Variants in LRP1B observed in about 807,000 individuals in gnomAD.
The protein encoded by LRP1B is LDL receptor related protein 1B.
A neutral mutation model predicts 556.6 loss-of-function variants in LRP1B; 217 were observed. The observed-to-expected ratio is 0.39, with a 90% CI of 0.35 to 0.44. The LOEUF (loss-of-function observed/expected upper bound fraction) is 0.44. LRP1B is among the 20% of genes least tolerant of loss of function. LRP1B has a pLI of 1.00. For synonymous variants in LRP1B, 2,047 were observed against 1,865.8 expected (o/e 1.10, Z -2.50); for missense variants, 5,053 against 5,620.8 (o/e 0.90, Z 3.23).
chr2:141,224,545 C>T (rs1239263645), intron 6 of LRP1B, among the ~76,000 whole-genome samples: 1 of 152,058 alleles, frequency 6.6e-6, no homozygotes, highest in Non-Finnish European at 1.5e-5. Context: ...ATGTTCATTT[C>T]AGCACTATTC....
intron 43 of LRP1B, among the ~76,000 whole-genome samples, chr2:140,598,024 T>G (rs1235427527): frequency 1.3e-5 from 2 of 152,160 alleles, no homozygotes; most frequent in Non-Finnish European, 2.9e-5. Flanking sequence ...CCAAGGCAGC[T>G]ACTCCTCACA....
intron 2 of LRP1B, among the ~76,000 whole-genome samples, chr2:141,781,520 GT>G (rs1695254764): frequency 6.6e-6 from 1 of 152,140 alleles, no homozygotes; most frequent in Admixed American, 6.6e-5. Flanking sequence ...GCTAGTGAAA[GT>G]CACACAATTT....
chr2:140,744,119 A>G (rs1404959808), intron 35 of LRP1B, among the ~76,000 whole-genome samples: 1 of 152,094 alleles, frequency 6.6e-6, no homozygotes, highest in East Asian at 1.9e-4. Flanking sequence ...GATCTAAGGT[A>G]CAGCATGAAT....
At chr2:140,925,158 G>A (rs185311334) in intron 20 of LRP1B, among the ~76,000 whole-genome samples, 24 of 152,220 alleles carry the variant, frequency 1.6e-4, no homozygotes, top group Admixed American at 1.4e-3. Flanking sequence ...TAAGAAACTT[G>A]AGCATTCTTG....
intron 86 of LRP1B, among the ~76,000 whole-genome samples, chr2:140,254,173 TG>T (rs1273011508): frequency 6.6e-6 from 1 of 152,184 alleles, no homozygotes; most frequent in Non-Finnish European, 1.5e-5. Context: ...CATATTCAAC[TG>T]CAGGTTAATA....
At chr2:140,944,106 G>T (rs1695476472) in intron 20 of LRP1B, among the ~76,000 whole-genome samples, 1 of 151,932 alleles carries the variant, frequency 6.6e-6, no homozygotes, top group Admixed American at 6.6e-5. Context: ...TGATCCCATA[G>T]AAATGCAAAA....
At chr2:140,646,739 A>C (rs1684498143) in intron 41 of LRP1B, among the ~76,000 whole-genome samples, 1 of 152,114 alleles carries the variant, frequency 6.6e-6, no homozygotes, top group Non-Finnish European at 1.5e-5. Flanking sequence ...TTTATTTTTA[A>C]AACAAAATGA....
chr2:140,784,987 A>C (rs1282909565), intron 32 of LRP1B, among the ~76,000 whole-genome samples: 1 of 152,142 alleles, frequency 6.6e-6, no homozygotes, highest in African/African-American at 2.4e-5. Context: ...CTGCCAAATA[A>C]GTTCCCAGCA....
intron 7 of LRP1B, among the ~76,000 whole-genome samples, chr2:141,156,292 T>C (rs753597418): frequency 4.6e-5 from 7 of 152,108 alleles, no homozygotes; most frequent in Non-Finnish European, 8.8e-5. Context: ...CCGATCCCTC[T>C]CAAGTGTCAG....
intron 43 of LRP1B, among the ~76,000 whole-genome samples, chr2:140,557,561 G>A (rs143177514): frequency 6.6e-6 from 1 of 152,136 alleles, no homozygotes; most frequent in African/African-American, 2.4e-5. Context: ...CTGACCCCCT[G>A]TGACCTCTCT....
chr2:142,073,903 T>C (rs1429028716), intron 1 of LRP1B, among the ~76,000 whole-genome samples: 1 of 151,862 alleles, frequency 6.6e-6, no homozygotes, highest in African/African-American at 2.4e-5. Flanking sequence ...GAAAATTTCC[T>C]GAAGCCTCCC....
chr2:141,631,276 C>G (rs527516119), intron 2 of LRP1B, among the ~76,000 whole-genome samples: 6 of 152,120 alleles, frequency 3.9e-5, no homozygotes, highest in African/African-American at 1.2e-4. Flanking sequence ...TCAATTACCT[C>G]CCACTGGGTC....
At chr2:141,321,693 T>C (rs538454583) in intron 3 of LRP1B, among the ~76,000 whole-genome samples, 1 of 152,198 alleles carries the variant, frequency 6.6e-6, no homozygotes, top group Admixed American at 6.6e-5. Flanking sequence ...GCACCAATCC[T>C]TTTTTAGCTC....
At chr2:141,777,426 T>C (rs1574348701) in intron 2 of LRP1B, among the ~76,000 whole-genome samples, 2 of 151,996 alleles carry the variant, frequency 1.3e-5, no homozygotes, top group African/African-American at 4.8e-5. Flanking sequence ...ATTTCTTTAT[T>C]TTTTTTTGAG....
chr2:141,272,854 A>G (rs531622798), intron 3 of LRP1B, among the ~76,000 whole-genome samples: 4 of 152,360 alleles, frequency 2.6e-5, no homozygotes, highest in Admixed American at 2.6e-4. Context: ...AAATATAGAG[A>G]ATTCAAGAAA....
chr2:140,242,128 C>T (rs1380555576), intron 87 of LRP1B, among the ~76,000 whole-genome samples: 1 of 151,040 alleles, frequency 6.6e-6, no homozygotes, highest in Non-Finnish European at 1.5e-5. Flanking sequence ...TACCTCTATT[C>T]AAATCTGTTT....
chr2:141,060,204 C>T lies in LRP1B; in HGVS notation c.1237-1150G>A, dbSNP rs1474210577. Among the ~76,000 whole-genome samples the T allele has an allele frequency of 2.6e-5, 4 of 151,708 alleles. No individual in the cohort carries two copies. In the East Asian group the frequency reaches 5.9e-4, roughly 22 times the overall value. On this transcript the variant is annotated intron_variant, in intron 8 of 90. Coordinates refer to ENST00000389484, the MANE Select transcript of LRP1B (RefSeq NM_018557.3). ...CTATTTCTGGTCTTCTTGTATGAGA[C>T]ACGACTAAAAAAAGACTGGCTTTAC... is the stretch of plus-strand genomic sequence containing the variant.
At chr2:141,113,154 A>G (rs1574085587) in intron 7 of LRP1B, among the ~76,000 whole-genome samples, 1 of 152,304 alleles carries the variant, frequency 6.6e-6, no homozygotes, top group African/African-American at 2.4e-5. Flanking sequence ...TCCATTTCAC[A>G]TTTAAGTGAA....
chr2:140,343,338 G>A (rs1681489920), intron 77 of LRP1B, among the ~76,000 whole-genome samples: 1 of 151,472 alleles, frequency 6.6e-6, no homozygotes, highest in Non-Finnish European at 1.5e-5. Context: ...CAATCTGAAA[G>A]TACTTATTCA....
Sources: gnomAD v4.1 joint callset for allele counts (sites outside exome capture counted in the v4.1 genomes callset) on GRCh38, gnomAD v4.1.1 for gene constraint, MANE v1.5 for transcripts, NCBI Gene and HGNC (gene_info 2026-07-23, HGNC 2026-07-21) for gene names.